FAF1: variants seen among roughly 807,000 people sequenced by gnomAD.
The protein encoded by FAF1 is FAS-associated factor 1.
A neutral mutation model predicts 92.5 loss-of-function variants in FAF1; 25 were observed. The ratio of observed to expected loss-of-function variants is 0.27; its 90% CI spans 0.20 to 0.38. The LOEUF is 0.38. FAF1 is among the 10% of genes least tolerant of loss of function. The pLI is 1.00. For synonymous variants in FAF1, 234 were observed against 273.2 expected, an observed-to-expected ratio of 0.86 and a Z score of 1.42; for missense variants, 636 against 793.3, an observed-to-expected ratio of 0.80 and a Z score of 2.38.
rs951755191 is a variant in FAF1, at chr1:50,463,268, A to G, written c.1869+12196T>C. Among the ~76,000 whole-genome samples, 9 of 152,254 alleles carry G rather than the reference A, an allele frequency of 5.9e-5. No individual in the cohort carries two copies. In the East Asian group the frequency reaches 1.7e-3, roughly 29 times the overall value. ...GAGGTAATTAAACACGTCCTGTATG[A>G]TTCCATCGAGAGGACCCTTGGAAGG... On this transcript the variant is annotated intron_variant, in intron 18 of 18. Transcript: ENST00000396153.
intron 1 of FAF1, among the ~76,000 whole-genome samples, chr1:50,880,017 A>G (rs760527842): frequency 6.6e-6 from 1 of 152,202 alleles, no homozygotes; most frequent in Non-Finnish European, 1.5e-5. Flanking sequence ...AACACATATC[A>G]TTTCATCTTC....
chr1:50,749,180 G>A (rs1250663206), intron 4 of FAF1, among the ~76,000 whole-genome samples: 2 of 152,182 alleles, frequency 1.3e-5, no homozygotes, highest in Non-Finnish European at 1.5e-5. Context: ...CTTTTTGCTT[G>A]TGGCTGAGGT....
At chr1:50,708,286 T>C (rs1251614690) in intron 6 of FAF1, among the ~76,000 whole-genome samples, 2 of 152,120 alleles carry the variant, frequency 1.3e-5, no homozygotes, top group South Asian at 2.1e-4. Flanking sequence ...GAGGCACAGA[T>C]GAAAAACTGT....
intron 7 of FAF1, among the ~76,000 whole-genome samples, chr1:50,688,457 G>A (rs935121005): frequency 6.6e-6 from 1 of 152,184 alleles, no homozygotes; most frequent in Admixed American, 6.5e-5. Context: ...CTATCAGTGT[G>A]TGAATGGATA....
At chr1:50,941,115 T>A (rs1257445149) in intron 1 of FAF1, among the ~76,000 whole-genome samples, 1 of 150,826 alleles carries the variant, frequency 6.6e-6, no homozygotes, top group African/African-American at 2.4e-5. Flanking sequence ...CGCTGCAACC[T>A]CCATCTCCCA....
chr1:50,595,645 C>T lies in FAF1; in HGVS notation c.840+476G>A, dbSNP rs533893093. 4.7e-4 allele frequency among the ~76,000 whole-genome samples: 71 copies of T among 152,208 alleles called. 1 individual carries two copies. The highest frequency in any genetic ancestry group is 8.2e-4 in the Non-Finnish European group (56 of 68,008). ...GCAACCTCTGCCTGCTGGATTCAAG[C>T]AATTCTCATGCCTCAGCCTCCCAAG... On this transcript the variant is annotated intron_variant, in intron 9 of 18. Transcript: ENST00000396153.
chr1:50,711,397 C>G (rs1033261947), intron 6 of FAF1, among the ~76,000 whole-genome samples: 1 of 150,936 alleles, frequency 6.6e-6, no homozygotes, highest in Non-Finnish European at 1.5e-5. Context: ...GGAGTTCATA[C>G]AGAATAAAAC....
intron 7 of FAF1, among the ~76,000 whole-genome samples, chr1:50,656,608 C>T (rs890961866): frequency 6.6e-6 from 1 of 152,132 alleles, no homozygotes; most frequent in Admixed American, 6.5e-5. Context: ...GTTGGCTAGG[C>T]ATGGTGGCTC....
At chr1:50,474,044 G>T (rs1646607530) in intron 18 of FAF1, among the ~76,000 whole-genome samples, 2 of 152,178 alleles carry the variant, frequency 1.3e-5, no homozygotes, top group African/African-American at 2.4e-5. Context: ...TTACTGAAAA[G>T]AGTAGTATTT....
At chr1:50,910,701 C>A (rs1489644092) in intron 1 of FAF1, among the ~76,000 whole-genome samples, 1 of 151,832 alleles carries the variant, frequency 6.6e-6, no homozygotes, top group Non-Finnish European at 1.5e-5. Context: ...CGGGATTAAT[C>A]TGGTGTGCCG....
At chr1:50,621,272 G>A (rs376251572) in intron 8 of FAF1, among the ~76,000 whole-genome samples, 3 of 152,230 alleles carry the variant, frequency 2.0e-5, no homozygotes, top group East Asian at 1.9e-4. Flanking sequence ...CAAAGGGGGT[G>A]CTGTGTACAC....
intron 14 of FAF1, among the ~76,000 whole-genome samples, chr1:50,538,613 TCC>T (rs1648609613): frequency 6.7e-6 from 1 of 150,220 alleles, no homozygotes; most frequent in Admixed American, 6.6e-5. Context: ...CTTACAGATA[TCC>T]TAAAAGGGTC....
chr1:50,526,692 T>C (rs1453591265), intron 15 of FAF1, among the ~76,000 whole-genome samples: 1 of 152,052 alleles, frequency 6.6e-6, no homozygotes, highest in African/African-American at 2.4e-5. Context: ...CTCTTGAGTA[T>C]ATAACTAGGA....
rs754253837 is a variant in FAF1 at position 50,922,818 on chromosome 1, C to CAAAAAAAAAAAAAAAAAAAA, written c.45+36929_45+36948dup. ...CAGGCAACAGTGCGAGAATCCACCACAAAAAAAAAAAAAAAAAAAAAGGCA... is the reference window on the plus strand; with the variant it reads ...CAGGCAACAGTGCGAGAATCCACCACAAAAAAAAAAAAAAAAAAAAAAAAAAAAAAAAAAAAAAAAAGGCA... On this transcript the variant is annotated intron_variant, in intron 1 of 18. Transcript: ENST00000396153. 5.3e-5 allele frequency among the ~76,000 whole-genome samples: 3 copies of CAAAAAAAAAAAAAAAAAAAA among 56,884 alleles called. 1 individual carries two copies. Among genetic ancestry groups the CAAAAAAAAAAAAAAAAAAAA allele is most frequent in the African/African-American group, 6.0e-5 (1 of 16,552 alleles). 37.3% of individuals were successfully genotyped at this position (56,884 alleles called of 152,430 possible).
rs539826266 is a variant in FAF1 at position 50,497,709 on chromosome 1, C to T, written c.1495-5908G>A. On this transcript the variant is annotated intron_variant, in intron 15 of 18. Transcript: ENST00000396153. ...GATTACAGGTGCATGCCACCATGCC[C>T]GGCTAATATTTTGTATTTTTAGTAG... 7.3e-5 allele frequency among the ~76,000 whole-genome samples: 11 copies of T among 151,682 alleles called. No individual in the cohort carries two copies. The South Asian group carries it at 1.0e-3, about 14-fold the overall frequency.
chr1:50,445,185 C>CA (rs1416867510), intron 18 of FAF1, among the ~76,000 whole-genome samples: 3 of 152,118 alleles, frequency 2.0e-5, no homozygotes, highest in Non-Finnish European at 4.4e-5. Context: ...ACCCGTCACC[C>CA]AGGCACTGTA....
chr1:50,574,896 C>CTGTTTTTTTTTTGTTTTT (rs1558000811), intron 12 of FAF1, among the ~76,000 whole-genome samples: 1 of 122,916 alleles, frequency 8.1e-6, no homozygotes, highest in South Asian at 2.7e-4. Context: ...GTTGTATTAA[C>CTGTTTTTTTTTTGTTTTT]TCTTTTTTTT....
intron 4 of FAF1, among the ~76,000 whole-genome samples, chr1:50,766,812 A>AC (rs1660593032): frequency 6.6e-6 from 1 of 150,396 alleles, no homozygotes; most frequent in South Asian, 2.1e-4. Context: ...AAAAAAAAAA[A>AC]CCACACATCC....
chr1:50,608,836 T>G lies in FAF1; in HGVS notation c.745-12620A>C, dbSNP rs145416254. On this transcript the variant is annotated intron_variant, in intron 8 of 18. Transcript: ENST00000396153. The stretch of plus-strand genomic sequence containing the variant: ...GGGTTTGAAATCCTGGCTCTGCTGG[T>G]TAAGAGCTTGTATGACTCTGGACAA... Among the ~76,000 whole-genome samples, 669 of 152,316 alleles carry G rather than the reference T, an allele frequency of 4.4e-3. 8 individuals are homozygous for G. The highest frequency in any genetic ancestry group is 0.015 in the African/African-American group (604 of 41,570).
Sources: gnomAD v4.1 joint callset for allele counts (sites outside exome capture counted in the v4.1 genomes callset) on GRCh38, gnomAD v4.1.1 for gene constraint, MANE v1.5 for transcripts, NCBI Gene and HGNC (gene_info 2026-07-23, HGNC 2026-07-21) for gene names.